ASAP1: variants seen among roughly 807,000 people sequenced by gnomAD.
ASAP1 encodes the protein ArfGAP with SH3 domain, ankyrin repeat and PH domain 1.
A neutral mutation model predicts 145.2 loss-of-function variants in ASAP1; 43 were observed. That is an observed-to-expected ratio of 0.30 (90% CI 0.23 to 0.38). The LOEUF (loss-of-function observed/expected upper bound fraction) is 0.38, where lower values mean the gene tolerates loss of function less well. ASAP1 is among the 10% of genes least tolerant of loss of function. The pLI is 1.00. For synonymous variants in ASAP1, 546 were observed against 515.5 expected (o/e 1.06, Z -0.80); for missense variants, 1,018 against 1,355.3 (o/e 0.75, Z 3.91).
At chr8:130,234,027 G>C (rs150718989) in intron 4 of ASAP1, among the ~76,000 whole-genome samples, 3 of 152,268 alleles carry the variant, frequency 2.0e-5, no homozygotes, top group African/African-American at 7.2e-5. Flanking sequence ...TCGAGGGTAA[G>C]GGTCTGAGAG....
chr8:130,300,184 A>AGAGAGAGAGCGAGCGAGC (rs761456724), intron 3 of ASAP1, among the ~76,000 whole-genome samples: 7 of 140,348 alleles, frequency 5.0e-5, no homozygotes, highest in African/African-American at 1.7e-4. Context: ...AGAGAGAGAG[A>AGAGAGAGAGCGAGCGAGC]GAGCGAGCGA....
chr8:130,274,857 G>A (rs898256850), intron 3 of ASAP1, among the ~76,000 whole-genome samples: 5 of 152,310 alleles, frequency 3.3e-5, no homozygotes, highest in South Asian at 4.1e-4. Context: ...TACACCTACT[G>A]TAGTTCTTAT....
At chr8:130,113,839 T>A (rs967432696) in intron 23 of ASAP1, among the ~76,000 whole-genome samples, 7 of 151,662 alleles carry the variant, frequency 4.6e-5, no homozygotes, top group Non-Finnish European at 8.8e-5. Flanking sequence ...TGGAGTGCAA[T>A]GGGACAATCT....
chr8:130,180,803 A>G lies in ASAP1; in HGVS notation c.608T>C (p.Ile203Thr), dbSNP rs1359570027. Residue 203 changes from isoleucine to threonine, a missense_variant, in exon 8 of 30, where the codon ATT becomes ACT. Around this residue, in one of 9 missense-constraint regions of ASAP1, gnomAD observed 78 missense variants for 161.0 expected, o/e 0.48. Coordinates refer to ENST00000518721, the MANE Select transcript of ASAP1 (RefSeq NM_018482.4). ...MIRTEITGAE[I>T]AEEMEKERRL... ...CCTTTCCTTCTCCATTTCTTCCGCA[A>G]TCTCAGCTCCTGTTATCTCTGTGCG... 1 of 1,613,712 alleles carries G rather than the reference A, an allele frequency of 6.2e-7. No homozygotes were observed. Among genetic ancestry groups the G allele is most frequent in the Admixed American group, 1.7e-5 (1 of 59,976 alleles).
intron 3 of ASAP1, among the ~76,000 whole-genome samples, chr8:130,349,675 C>T (rs1056561791): frequency 3.3e-5 from 5 of 152,198 alleles, no homozygotes; most frequent in African/African-American, 9.6e-5. Context: ...ATCTAACTCT[C>T]CATGAAGGAA....
At chr8:130,384,626 G>A (rs752826234) in intron 2 of ASAP1, among the ~76,000 whole-genome samples, 24 of 152,158 alleles carry the variant, frequency 1.6e-4, no homozygotes, top group Admixed American at 4.6e-4. Flanking sequence ...TTACACAGGC[G>A]CCCGCCACCA....
chr8:130,266,168 C>A (rs954952047), intron 3 of ASAP1, among the ~76,000 whole-genome samples: 1 of 152,222 alleles, frequency 6.6e-6, no homozygotes, highest in Non-Finnish European at 1.5e-5. Flanking sequence ...AGAGAAAAAT[C>A]CACCCACCAG....
At chr8:130,435,080 G>A (rs1336013150) in intron 1 of ASAP1, among the ~76,000 whole-genome samples, 1 of 152,064 alleles carries the variant, frequency 6.6e-6, no homozygotes, top group African/African-American at 2.4e-5. Flanking sequence ...TTACCCCTCC[G>A]AGGCTCCTAC....
In ASAP1 at chr8:130,167,591, T is replaced by G. The variant is rs776444605; in HGVS notation, c.854A>C (p.Gln285Pro). 1 of 1,613,388 alleles carries G rather than the reference T, an allele frequency of 6.2e-7. No homozygotes were observed. The highest frequency in any genetic ancestry group is 8.5e-7 in the Non-Finnish European group (1 of 1,179,396). Reference protein sequence around the residue: ...IKQTQDEEKKQLTALRDLIKS... With the variant: ...IKQTQDEEKKPLTALRDLIKS... ...TATTAAGTCTCGGAGTGCAGTTAGCTGTTTCTTTTCTTCATCCTGGGTCTG... is the reference window on the plus strand; with the variant it reads ...TATTAAGTCTCGGAGTGCAGTTAGCGGTTTCTTTTCTTCATCCTGGGTCTG... The change falls in exon 11 of 30, where the codon CAG becomes CCG. Residue 285 changes from glutamine to proline, a missense_variant. This residue lies in a region of ASAP1 where 62 missense variants were observed against 68.5 expected (regional missense o/e 0.90). Coordinates refer to ENST00000518721, the MANE Select transcript of ASAP1 (RefSeq NM_018482.4).
intron 7 of ASAP1, among the ~76,000 whole-genome samples, chr8:130,186,017 A>C (rs1814702933): frequency 6.6e-6 from 1 of 152,208 alleles, no homozygotes; most frequent in South Asian, 2.1e-4. Context: ...GACATATTCT[A>C]CAAGTGTAGA....
chr8:130,276,726 A>ACTCTCTCTCT (rs1486127973), intron 3 of ASAP1, among the ~76,000 whole-genome samples: 93 of 91,790 alleles, frequency 1.0e-3, no homozygotes, highest in African/African-American at 3.1e-3. Context: ...ACACACACAC[A>ACTCTCTCTCT]CACTCTCTCT....
intron 5 of ASAP1, among the ~76,000 whole-genome samples, chr8:130,207,241 G>A (rs894588437): frequency 6.6e-6 from 1 of 152,156 alleles, no homozygotes; most frequent in African/African-American, 2.4e-5. Flanking sequence ...CAAATCGTTT[G>A]TTATGTCTGG....
chr8:130,327,861 T>C (rs1488182714), intron 3 of ASAP1, among the ~76,000 whole-genome samples: 1 of 152,236 alleles, frequency 6.6e-6, no homozygotes, highest in Non-Finnish European at 1.5e-5. Flanking sequence ...CTGCATTGTA[T>C]ACTTCAAATG....
chr8:130,064,929 G>GTA (rs2097427468), intron 27 of ASAP1, among the ~76,000 whole-genome samples: 1 of 147,148 alleles, frequency 6.8e-6, no homozygotes, highest in East Asian at 2.0e-4. Flanking sequence ...GTGTGTGTGT[G>GTA]TGTGTAAGAA....
rs146866968 is a variant in ASAP1, at chr8:130,060,606, G to A, written c.3165C>T (p.Pro1055=). 4.5e-5 allele frequency: 72 copies of A among 1,613,576 alleles called. No individual in the cohort carries two copies. Among genetic ancestry groups the A allele is most frequent in the Admixed American group, 6.7e-5 (4 of 59,948 alleles). Residue 1055 remains proline, a synonymous_variant, in exon 28 of 30, where the codon CCC becomes CCT. Transcript: ENST00000518721. ...TATTGATTTTTCTGGGCAGTGGTACGGGCGTCTCTGGCAGAGTAGGCGTGA... is the reference window on the plus strand; with the variant it reads ...TATTGATTTTTCTGGGCAGTGGTACAGGCGTCTCTGGCAGAGTAGGCGTGA... ...NDLTPTLPET[P]VPLPRKINTG...
intron 1 of ASAP1, among the ~76,000 whole-genome samples, chr8:130,406,325 G>GATGATGATA (rs1443159794): frequency 6.6e-6 from 1 of 152,180 alleles, no homozygotes; most frequent in African/African-American, 2.4e-5. Context: ...ACTGGATGAT[G>GATGATGATA]ATGATGATAA....
intron 2 of ASAP1, 28 bp downstream of exon 2, chr8:130,401,857 T>C: frequency 1.2e-6 from 2 of 1,605,834 alleles, no homozygotes; most frequent in South Asian, 1.1e-5. Context: ...CCGAGTTTTC[T>C]GGACAGGATG....
intron 24 of ASAP1, among the ~76,000 whole-genome samples, chr8:130,100,134 T>C (rs2097526075): frequency 6.6e-6 from 1 of 152,138 alleles, no homozygotes; most frequent in African/African-American, 2.4e-5. Context: ...CCAACCAACA[T>C]TATATAAGAG....
chr8:130,185,744 A>AAAG (rs1554841939), intron 7 of ASAP1, among the ~76,000 whole-genome samples: 6 of 150,486 alleles, frequency 4.0e-5, no homozygotes, highest in African/African-American at 1.5e-4. Flanking sequence ...AAAAAAAAAA[A>AAAG]AAAAGAAAAA....
Sources: gnomAD v4.1 joint callset for allele counts (sites outside exome capture counted in the v4.1 genomes callset) on GRCh38, gnomAD v4.1.1 for gene constraint, gnomAD v4.1.1 regional missense constraint, MANE v1.5 for transcripts, NCBI Gene and HGNC (gene_info 2026-07-23, HGNC 2026-07-21) for gene names.